Variants in REEP1 observed in about 807,000 individuals in gnomAD.
REEP1 encodes receptor expression-enhancing protein 1.
REEP1 carries 22 observed loss-of-function variants against 40.3 expected under a neutral mutation model. That is an observed-to-expected ratio of 0.55 (90% CI 0.39 to 0.78). The LOEUF (loss-of-function observed/expected upper bound fraction) is 0.78. Among genes scored for constraint, REEP1 ranks in the 30% least tolerant of loss-of-function variants. REEP1 has a pLI of 0.00. For synonymous variants in REEP1, 116 were observed against 139.2 expected (o/e 0.83, Z 1.17); for missense variants, 280 against 361.1 (o/e 0.78, Z 1.82).
intron 1 of REEP1, among the ~76,000 whole-genome samples, chr2:86,307,077 C>T (rs553360527): frequency 3.3e-4 from 50 of 151,786 alleles, no homozygotes; most frequent in Admixed American, 1.8e-3. Flanking sequence ...TGGTGGTGAC[C>T]GCCTGTAGTC....
At chr2:86,261,592 G>A (rs919587817) in intron 3 of REEP1, among the ~76,000 whole-genome samples, 2 of 152,216 alleles carry the variant, frequency 1.3e-5, no homozygotes, top group Admixed American at 1.3e-4. Flanking sequence ...CACAAAAACT[G>A]TGGAAGCCCG....
intron 1 of REEP1, among the ~76,000 whole-genome samples, chr2:86,282,504 G>A (rs561471507): frequency 6.6e-6 from 1 of 152,170 alleles, no homozygotes; most frequent in South Asian, 2.1e-4. Flanking sequence ...GGTCATGGAA[G>A]CCAAAAATGG....
rs1187059995 is a variant in REEP1 at position 86,216,717 on chromosome 2, TA to T, written c.*321del. On this transcript the variant is annotated 3_prime_UTR_variant, in exon 9 of 9. Transcript: ENST00000538924. ...ATTACAAATGTACATCTCAGCAGCA[TA>T]GGGGTGATTCTCTTATCTTTCTAAA... The T allele has an allele frequency of 6.4e-6, 2 of 311,170 alleles. No individual in the cohort carries two copies. Among genetic ancestry groups the T allele is most frequent in the Non-Finnish European group, 1.2e-5 (2 of 163,488 alleles). The allele number at this position is 311,170 out of a possible 1,614,324, so 19.3% of individuals were successfully genotyped here.
intron 1 of REEP1, chr2:86,336,749 G>A (rs1249201386): frequency 6.6e-6 from 1 of 152,336 alleles, no homozygotes; most frequent in Non-Finnish European, 1.5e-5. Flanking sequence ...TCTCCTGCAA[G>A]GCCTGGGAGG....
intron 1 of REEP1, among the ~76,000 whole-genome samples, chr2:86,309,393 T>C (rs1157213964): frequency 6.6e-6 from 1 of 152,220 alleles, no homozygotes; most frequent in Non-Finnish European, 1.5e-5. Context: ...AAGACCAACT[T>C]TGAAAGAAAT....
intron 5 of REEP1, among the ~76,000 whole-genome samples, chr2:86,247,779 C>CA (rs1179935099): frequency 6.6e-6 from 1 of 151,996 alleles, no homozygotes; most frequent in Non-Finnish European, 1.5e-5. Flanking sequence ...TCATGTTGCC[C>CA]AGGCTAGTCT....
intron 6 of REEP1, among the ~76,000 whole-genome samples, chr2:86,229,408 G>T (rs577670299): frequency 6.6e-6 from 1 of 152,150 alleles, no homozygotes; most frequent in African/African-American, 2.4e-5. Context: ...TACCTGATCT[G>T]GCCTGGCATC....
chr2:86,260,569 C>G (rs1384428890), intron 3 of REEP1, among the ~76,000 whole-genome samples: 1 of 152,154 alleles, frequency 6.6e-6, no homozygotes, highest in African/African-American at 2.4e-5. Flanking sequence ...GCCCTTAAAA[C>G]AAAAGCAGAG....
Position 86,324,547 on chromosome 2 carries a change from G to A in REEP1, c.32+12932C>T, listed in dbSNP as rs142698554. Among the ~76,000 whole-genome samples the A allele has an allele frequency of 8.1e-3, 1,233 of 152,190 alleles. 13 individuals carry two copies. Among genetic ancestry groups the A allele is most frequent in the African/African-American group, 0.028 (1,154 of 41,496 alleles). ...ATCGCACCCACTGCTGAAAGAAAAC[G>A]GGTTTGGAGAACAGTTTATGAAGAA... On this transcript the variant is annotated intron_variant, in intron 1 of 8. Transcript: ENST00000538924.
chr2:86,246,179 C>A (rs1005557753), intron 5 of REEP1, among the ~76,000 whole-genome samples: 11 of 152,208 alleles, frequency 7.2e-5, no homozygotes, highest in Non-Finnish European at 1.0e-4. Flanking sequence ...AATCAATCAA[C>A]AAGGTTTAAT....
intron 1 of REEP1, among the ~76,000 whole-genome samples, chr2:86,328,540 G>T (rs6728519): frequency 1.3e-5 from 2 of 152,114 alleles, no homozygotes; most frequent in African/African-American, 4.8e-5. Flanking sequence ...TTAGCTGGGC[G>T]TGGTGGCGGG....
intron 1 of REEP1, among the ~76,000 whole-genome samples, chr2:86,319,452 TCAC>T (rs1680181839): frequency 7.8e-5 from 2 of 25,698 alleles, no homozygotes; most frequent in African/African-American, 6.5e-4. Context: ...GCAGAGTGGC[TCAC>T]TCACGCCTGT....
intron 1 of REEP1, among the ~76,000 whole-genome samples, chr2:86,336,475 C>T (rs1216711250): frequency 1.3e-5 from 2 of 152,178 alleles, no homozygotes; most frequent in African/African-American, 4.8e-5. Flanking sequence ...CCCGAGGTGC[C>T]TGCCACCCTC....
chr2:86,244,459 C>T (rs1675825251), intron 5 of REEP1, among the ~76,000 whole-genome samples: 1 of 152,142 alleles, frequency 6.6e-6, no homozygotes, highest in African/African-American at 2.4e-5. Context: ...AGGGCTATAA[C>T]CAACGCTTGG....
chr2:86,310,362 G>C (rs1180373767), intron 1 of REEP1, among the ~76,000 whole-genome samples: 1 of 152,138 alleles, frequency 6.6e-6, no homozygotes, highest in Non-Finnish European at 1.5e-5. Context: ...TGTTACAACT[G>C]CCTACAGTAT....
At chr2:86,324,988 A>T (rs750054016) in intron 1 of REEP1, among the ~76,000 whole-genome samples, 11 of 152,234 alleles carry the variant, frequency 7.2e-5, no homozygotes, top group Non-Finnish European at 1.5e-4. Context: ...CTGTACTATT[A>T]TCCATTATCC....
chr2:86,337,936 C>G (rs1226906204), upstream of REEP1: 2 of 1,301,258 alleles, frequency 1.5e-6, no homozygotes, highest in Non-Finnish European at 1.1e-6. The surrounding 1 kb of genome is among the most constrained non-coding windows in gnomAD (Gnocchi z 5.8). Context: ...AAGTCCGAAC[C>G]TGAACCTCGG....
intron 1 of REEP1, among the ~76,000 whole-genome samples, chr2:86,294,292 T>C (rs1161187977): frequency 6.6e-6 from 1 of 152,224 alleles, no homozygotes; most frequent in African/African-American, 2.4e-5. Context: ...AAATTTTATG[T>C]CATGTGCTTT....
intron 2 of REEP1, 32 bp from the exon 3 acceptor site, chr2:86,264,073 A>G: frequency 1.3e-6 from 2 of 1,564,402 alleles, no homozygotes; most frequent in Non-Finnish European, 1.8e-6. Flanking sequence ...CAGCTGGTAG[A>G]AAAGGTCCAG....
Sources: allele counts gnomAD v4.1 joint callset (sites outside exome capture counted in the v4.1 genomes callset), GRCh38; gene constraint gnomAD v4.1.1; non-coding constraint Gnocchi (gnomAD v3.1); transcripts MANE v1.5; gene names NCBI Gene and HGNC (gene_info 2026-07-23, HGNC 2026-07-21).